Variants in PCOLCE2 observed in about 807,000 individuals in gnomAD.
PCOLCE2 encodes the protein procollagen C-proteinase enhancer 2.
In PCOLCE2, 42 loss-of-function variants were observed where a neutral mutation model predicts 47.0. The ratio of observed to expected loss-of-function variants is 0.89; its 90% CI spans 0.70 to 1.16. The LOEUF (loss-of-function observed/expected upper bound fraction) is 1.16, where lower values mean the gene tolerates loss of function less well. Ranked by LOEUF, PCOLCE2 falls within the 50% of genes most tolerant of loss-of-function variation. The pLI is 0.00. For synonymous variants in PCOLCE2, 169 were observed against 191.7 expected (o/e 0.88, Z 0.98); for missense variants, 500 against 526.1 (o/e 0.95, Z 0.49).
chr3:142,869,823 T>C (rs995228820), intron 2 of PCOLCE2, among the ~76,000 whole-genome samples: 4 of 152,202 alleles, frequency 2.6e-5, no homozygotes, highest in Non-Finnish European at 5.9e-5. Context: ...ATTGATGCCT[T>C]ATGTCTCCCT....
intron 6 of PCOLCE2, among the ~76,000 whole-genome samples, chr3:142,824,816 T>C (rs28372064): frequency 0.34 from 52,017 of 151,790 alleles, 11,114 homozygotes; most frequent in African/African-American, 0.62. Context: ...TTAGTAGAGA[T>C]TTCATTTCGC....
chr3:142,838,642 A>G, intron 5 of PCOLCE2, 128 bp downstream of exon 5: 1 of 782,824 alleles, frequency 1.3e-6, no homozygotes. Flanking sequence ...GAACTAATAG[A>G]GGACCCAATA....
intron 3 of PCOLCE2, 110 bp from the exon 4 acceptor site, chr3:142,843,158 G>A: frequency 9.5e-7 from 1 of 1,052,116 alleles, no homozygotes. Context: ...AGTAAATAAA[G>A]GCAACAGCAG....
intron 3 of PCOLCE2, among the ~76,000 whole-genome samples, chr3:142,847,265 T>C (rs1937337286): frequency 6.6e-6 from 1 of 152,192 alleles, no homozygotes. Context: ...AAGATTTCAG[T>C]AGATTTTATA....
Position 142,888,812 on chromosome 3 carries a change from A to G in PCOLCE2, c.83+2T>C. 6.6e-7 allele frequency: 1 copy of G among 1,511,780 alleles called. No homozygotes were observed. The highest frequency in any genetic ancestry group is 1.8e-4 in the Middle Eastern group (1 of 5,642). The allele number at this position is 1,511,780 out of a possible 1,614,324, so 93.6% of individuals were successfully genotyped here. ...AGGGAGCCCGGGCAGGGGTCGCGTT[A>G]CCTCTCTGGGGACTGCTGCCGCGAG... is the stretch of plus-strand genomic sequence containing the variant. On this transcript the variant is annotated splice_donor_variant, in intron 1 of 8. Coordinates refer to ENST00000295992, the MANE Select transcript of PCOLCE2 (RefSeq NM_013363.4). LOFTEE classifies it high-confidence loss of function.
chr3:142,889,034 C>A lies in PCOLCE2; in HGVS notation c.-138G>T. ...ACCGGCGCTCGGCTGCCCGCGCGCT[C>A]CCTCTCACGCGCGCACCGCCGCGGG... On this transcript the variant is annotated 5_prime_UTR_variant, in exon 1 of 9. Coordinates refer to ENST00000295992, the MANE Select transcript of PCOLCE2 (RefSeq NM_013363.4). The A allele has an allele frequency of 3.2e-6, 1 of 310,646 alleles. No homozygotes were observed. Among genetic ancestry groups the A allele is most frequent in the Non-Finnish European group, 6.0e-6 (1 of 166,998 alleles). 19.2% of individuals were successfully genotyped at this position (310,646 alleles called of 1,614,324 possible).
chr3:142,841,437 G>A (rs1173098872), intron 4 of PCOLCE2, among the ~76,000 whole-genome samples: 1 of 152,272 alleles, frequency 6.6e-6, no homozygotes, highest in South Asian at 2.1e-4. Context: ...TAATCTGCAA[G>A]TATAATTAAG....
chr3:142,835,144 CAGTT>C (rs368952852), intron 5 of PCOLCE2, among the ~76,000 whole-genome samples: 17 of 152,280 alleles, frequency 1.1e-4, no homozygotes, highest in Non-Finnish European at 1.6e-4. Context: ...CTCTCATTAA[CAGTT>C]AGTTAATCTG....
chr3:142,821,554 T>C (rs778076772), intron 7 of PCOLCE2, among the ~76,000 whole-genome samples: 5 of 152,194 alleles, frequency 3.3e-5, no homozygotes, highest in Admixed American at 6.6e-5. Context: ...TCCTGAACTT[T>C]TGTTCATTCC....
chr3:142,855,135 C>T (rs1345045832), intron 2 of PCOLCE2, among the ~76,000 whole-genome samples: 1 of 152,202 alleles, frequency 6.6e-6, no homozygotes, highest in Non-Finnish European at 1.5e-5. Flanking sequence ...GTCACTGTTT[C>T]AGAGAAGCCT....
intron 5 of PCOLCE2, among the ~76,000 whole-genome samples, chr3:142,834,798 C>T (rs1268499656): frequency 6.6e-6 from 1 of 151,892 alleles, no homozygotes; most frequent in African/African-American, 2.4e-5. Flanking sequence ...CTTGTACTGT[C>T]CTTACCTTGT....
chr3:142,849,910 G>C (rs1937370989), intron 2 of PCOLCE2, among the ~76,000 whole-genome samples: 1 of 152,172 alleles, frequency 6.6e-6, no homozygotes, highest in Admixed American at 6.5e-5. Context: ...ATGGTAAGAT[G>C]AAGTGTTTTC....
intron 5 of PCOLCE2, among the ~76,000 whole-genome samples, chr3:142,836,384 C>T (rs1187159308): frequency 1.3e-5 from 2 of 152,228 alleles, no homozygotes; most frequent in African/African-American, 4.8e-5. Flanking sequence ...TCTGCAAGCA[C>T]AGTCTGTTAG....
chr3:142,869,276 G>A (rs866162930), intron 2 of PCOLCE2, among the ~76,000 whole-genome samples: 4 of 151,574 alleles, frequency 2.6e-5, no homozygotes, highest in African/African-American at 9.7e-5. Context: ...GGGCGACAGA[G>A]TGAGACTCTG....
rs77617193 is a variant in PCOLCE2, at chr3:142,860,111, A to G, written c.193-11639T>C. Among the ~76,000 whole-genome samples the G allele has an allele frequency of 5.8e-3, 885 of 152,362 alleles. 5 individuals carry two copies. The highest frequency in any genetic ancestry group is 8.9e-3 in the Non-Finnish European group (605 of 68,032). ...AGTATGTCCATAGTTTTTAACAGCA[A>G]TGGGAAATAAGTCCTTGCCCTCTTC... On this transcript the variant is annotated intron_variant, in intron 2 of 8. Coordinates refer to ENST00000295992, the MANE Select transcript of PCOLCE2 (RefSeq NM_013363.4).
chr3:142,843,625 CA>C (rs1222035900), intron 3 of PCOLCE2, among the ~76,000 whole-genome samples: 1 of 151,832 alleles, frequency 6.6e-6, no homozygotes, highest in African/African-American at 2.4e-5. Context: ...TTTTAGCCAC[CA>C]AAAACTCATC....
rs1339484999 is a variant in PCOLCE2, at chr3:142,848,219, CT to C, written c.445del (p.Arg149GlufsTer38). The C allele has an allele frequency of 8.1e-6, 13 of 1,613,436 alleles. No homozygotes were observed. The highest frequency in any genetic ancestry group is 1.1e-5 in the Non-Finnish European group (13 of 1,179,470). Reference sequence around the variant, plus strand: ...TTGCCATTATGTGGAAACAGTACCTCTTTCGTTTGGTTCAGCAGCGGAGAAC... The same window carrying C: ...TTGCCATTATGTGGAAACAGTACCTCTTCGTTTGGTTCAGCAGCGGAGAAC... ...AMFSAAEPNE[R>X]GDQYCGGLLD... On this transcript the variant is annotated frameshift_variant, in exon 3 of 9. Transcript: ENST00000295992. LOFTEE classifies it high-confidence loss of function.
At chr3:142,845,921 G>A (rs1937323969) in intron 3 of PCOLCE2, among the ~76,000 whole-genome samples, 1 of 152,088 alleles carries the variant, frequency 6.6e-6, no homozygotes, top group South Asian at 2.1e-4. Flanking sequence ...GTTGCAGTGG[G>A]CCGAGATAGC....
At chr3:142,874,405 C>T (rs935865419) in intron 2 of PCOLCE2, among the ~76,000 whole-genome samples, 1 of 152,150 alleles carries the variant, frequency 6.6e-6, no homozygotes, top group African/African-American at 2.4e-5. Context: ...GCACACCCCC[C>T]TCACTCTCTG....
Sources: allele counts gnomAD v4.1 joint callset (sites outside exome capture counted in the v4.1 genomes callset), GRCh38; gene constraint gnomAD v4.1.1; transcripts MANE v1.5; gene names NCBI Gene and HGNC (gene_info 2026-07-23, HGNC 2026-07-21).